The following STAG1 variants were observed in gnomAD, a reference collection of about 807,000 sequenced individuals.
STAG1 encodes cohesin subunit SA-1.
A neutral mutation model predicts 170.9 loss-of-function variants in STAG1; 26 were observed. The ratio of observed to expected loss-of-function variants is 0.15; its 90% CI spans 0.11 to 0.21. The LOEUF is 0.21. Among genes scored for constraint, STAG1 ranks in the 10% least tolerant of loss-of-function variants. STAG1 has a pLI of 1.00. For synonymous variants in STAG1, 514 were observed against 497.7 expected (o/e 1.03, Z -0.44); for missense variants, 964 against 1,509.5 (o/e 0.64, Z 5.99).
intron 13 of STAG1, among the ~76,000 whole-genome samples, chr3:136,460,544 G>A (rs1368381349): frequency 6.6e-6 from 1 of 152,130 alleles, no homozygotes; most frequent in African/African-American, 2.4e-5. Context: ...GGAGGTTGCA[G>A]TAAGCCGAGA....
chr3:136,738,715 T>A (rs1576833742), intron 1 of STAG1, among the ~76,000 whole-genome samples: 2 of 152,184 alleles, frequency 1.3e-5, no homozygotes, highest in East Asian at 3.8e-4. Context: ...GTTCAAGAGA[T>A]CTATTGCACC....
intron 4 of STAG1, among the ~76,000 whole-genome samples, chr3:136,599,131 G>A (rs568979298): frequency 6.6e-6 from 1 of 152,266 alleles, no homozygotes; most frequent in East Asian, 1.9e-4. Context: ...ATACATGCAT[G>A]TGTATGTTCA....
intron 1 of STAG1, among the ~76,000 whole-genome samples, chr3:136,690,362 G>A (rs944866367): frequency 6.6e-6 from 1 of 152,072 alleles, no homozygotes; most frequent in Admixed American, 6.6e-5. Context: ...TCAGCCTCCC[G>A]AGTAGCTGGG....
chr3:136,557,931 T>C (rs904367569), intron 5 of STAG1, among the ~76,000 whole-genome samples: 1 of 152,190 alleles, frequency 6.6e-6, no homozygotes, highest in Non-Finnish European at 1.5e-5. Context: ...GTTCATTCAT[T>C]CTTTCAATAA....
chr3:136,421,975 C>G (rs1020946759), intron 19 of STAG1, among the ~76,000 whole-genome samples: 3 of 151,534 alleles, frequency 2.0e-5, no homozygotes, highest in African/African-American at 7.3e-5. Context: ...TGGTGAAAAC[C>G]CATTTCTACT....
At chr3:136,376,018 A>T (rs1440211126) in intron 23 of STAG1, among the ~76,000 whole-genome samples, 27 of 145,542 alleles carry the variant, frequency 1.9e-4, no homozygotes, top group African/African-American at 6.2e-4. Context: ...ATAATTAACA[A>T]AATAAAATAA....
chr3:136,371,232 T>G (rs1272768188), intron 23 of STAG1, among the ~76,000 whole-genome samples: 1 of 152,232 alleles, frequency 6.6e-6, no homozygotes, highest in African/African-American at 2.4e-5. Context: ...TCTGTCTGAG[T>G]TCATTGTAGA....
chr3:136,355,170 T>C (rs1228421329), intron 28 of STAG1, among the ~76,000 whole-genome samples: 1 of 151,600 alleles, frequency 6.6e-6, no homozygotes, highest in East Asian at 1.9e-4. Flanking sequence ...CTGGCCAACA[T>C]GGTGAAACCC....
intron 6 of STAG1, among the ~76,000 whole-genome samples, chr3:136,523,773 A>G (rs145618109): frequency 6.6e-6 from 1 of 152,148 alleles, no homozygotes; most frequent in Admixed American, 6.5e-5. Context: ...ATTTTTGTAT[A>G]AAGTATAAGG....
At chr3:136,536,538 T>C (rs867545800) in intron 6 of STAG1, among the ~76,000 whole-genome samples, 1 of 151,794 alleles carries the variant, frequency 6.6e-6, no homozygotes, top group Non-Finnish European at 1.5e-5. Flanking sequence ...TTGTCTCTAC[T>C]AAAAATACAA....
intron 4 of STAG1, among the ~76,000 whole-genome samples, chr3:136,569,823 A>G (rs1187549959): frequency 6.6e-6 from 1 of 152,138 alleles, no homozygotes; most frequent in Non-Finnish European, 1.5e-5. Context: ...TTAATAAGGA[A>G]AATTATTAAA....
At chr3:136,699,278 GA>G (rs1942980502) in intron 1 of STAG1, among the ~76,000 whole-genome samples, 1 of 152,170 alleles carries the variant, frequency 6.6e-6, no homozygotes, top group African/African-American at 2.4e-5. Context: ...TTTATAGGAA[GA>G]AAATGTCTTT....
chr3:136,592,368 C>T (rs1160427538), intron 4 of STAG1, among the ~76,000 whole-genome samples: 2 of 152,062 alleles, frequency 1.3e-5, no homozygotes, highest in Non-Finnish European at 2.9e-5. Context: ...CTGGCATTTC[C>T]CCTGCTAGCA....
intron 13 of STAG1, among the ~76,000 whole-genome samples, chr3:136,455,603 A>C (rs941032094): frequency 6.6e-6 from 1 of 152,216 alleles, no homozygotes; most frequent in South Asian, 2.1e-4. Flanking sequence ...GGTGCACATC[A>C]CAGCAACTGG....
chr3:136,421,258 TAATAG>T, intron 19 of STAG1, 95 bp from the exon 20 acceptor site: 2 of 645,186 alleles, frequency 3.1e-6, no homozygotes, highest in Non-Finnish European at 4.9e-6. Context: ...TAAATTATAT[TAATAG>T]TATATATTCA....
At chr3:136,470,234 C>T (rs2089589088) in intron 12 of STAG1, among the ~76,000 whole-genome samples, 1 of 152,164 alleles carries the variant, frequency 6.6e-6, no homozygotes, top group African/African-American at 2.4e-5. Context: ...ACAATCTACT[C>T]ATCTGACAAA....
intron 13 of STAG1, among the ~76,000 whole-genome samples, chr3:136,461,174 A>G (rs1293614553): frequency 6.6e-6 from 1 of 152,222 alleles, no homozygotes; most frequent in African/African-American, 2.4e-5. Context: ...CAAAGATGAA[A>G]CACATCTCAA....
At chr3:136,555,415 G>A (rs1936572863) in intron 5 of STAG1, among the ~76,000 whole-genome samples, 1 of 152,114 alleles carries the variant, frequency 6.6e-6, no homozygotes, top group South Asian at 2.1e-4. Context: ...TGGGCACAGT[G>A]GCTCAAGCCT....
At chr3:136,739,754 G>A (rs987087227) in intron 1 of STAG1, among the ~76,000 whole-genome samples, 7 of 151,756 alleles carry the variant, frequency 4.6e-5, no homozygotes, top group Non-Finnish European at 1.0e-4. Context: ...AACCTAGGAG[G>A]CAGAGGTTGC....
Sources: gnomAD v4.1 joint callset for allele counts (sites outside exome capture counted in the v4.1 genomes callset) on GRCh38, gnomAD v4.1.1 for gene constraint, MANE v1.5 for transcripts, NCBI Gene and HGNC (gene_info 2026-07-23, HGNC 2026-07-21) for gene names.